The following ENAH variants were observed in gnomAD, a reference collection of about 807,000 sequenced individuals.
ENAH encodes ENAH actin regulator, also known as protein enabled homolog.
In ENAH, 23 loss-of-function variants were observed where a neutral mutation model predicts 78.7. The ratio of observed to expected loss-of-function variants is 0.29; its 90% CI spans 0.21 to 0.41. The LOEUF is 0.41. Ranked by LOEUF, ENAH falls within the 10% of genes least tolerant of loss-of-function variation. The pLI is 1.00. For synonymous variants in ENAH, 226 were observed against 241.0 expected, an observed-to-expected ratio of 0.94 and a Z score of 0.58; for missense variants, 544 against 691.0, an observed-to-expected ratio of 0.79 and a Z score of 2.39.
chr1:225,569,917 A>G (rs1466867003), intron 1 of ENAH, among the ~76,000 whole-genome samples: 2 of 152,176 alleles, frequency 1.3e-5, no homozygotes, highest in African/African-American at 4.8e-5. Context: ...AGAAGATATC[A>G]GGCACTGGTG....
At chr1:225,510,894 C>T (rs1333440484) in intron 10 of ENAH, among the ~76,000 whole-genome samples, 2 of 151,502 alleles carry the variant, frequency 1.3e-5, no homozygotes, top group Admixed American at 6.6e-5. Context: ...GTGCCTGTGG[C>T]CCCAGCTACT....
At chr1:225,642,440 C>T (rs756450977) in intron 1 of ENAH, among the ~76,000 whole-genome samples, 1 of 151,900 alleles carries the variant, frequency 6.6e-6, no homozygotes, top group African/African-American at 2.4e-5. Context: ...GTTAAGTGAG[C>T]GATGAGGCAG....
Position 225,636,813 on chromosome 1 carries a change from G to A in ENAH, c.5+15873C>T, listed in dbSNP as rs979318742. 2.0e-5 allele frequency among the ~76,000 whole-genome samples: 3 copies of A among 152,170 alleles called. No individual in the cohort carries two copies. The South Asian group carries it at 6.2e-4, about 31-fold the overall frequency. ...TGATATAAAGTGTTCAGAGAAATGT[G>A]TCATGAGTTTATACTCCGTTTTTTT... On this transcript the variant is annotated intron_variant, in intron 1 of 13. Transcript: ENST00000366843.
intron 1 of ENAH, among the ~76,000 whole-genome samples, chr1:225,634,910 C>T (rs974894747): frequency 7.2e-5 from 11 of 152,068 alleles, no homozygotes; most frequent in African/African-American, 2.2e-4. Context: ...ATTTGGGGTC[C>T]CTTGAAATTC....
intron 2 of ENAH, among the ~76,000 whole-genome samples, chr1:225,556,355 A>G (rs141977879): frequency 1.2e-4 from 18 of 152,322 alleles, no homozygotes; most frequent in Non-Finnish European, 2.2e-4. Context: ...CTACTTCTAC[A>G]TACTATGCAA....
At chr1:225,653,297 G>A (rs1477827402), upstream of ENAH, among the ~76,000 whole-genome samples, 3 of 151,232 alleles carry the variant, frequency 2.0e-5, no homozygotes, top group Non-Finnish European at 4.4e-5. The surrounding 1 kb of genome is among the most constrained non-coding windows in gnomAD (Gnocchi z 4.3). Flanking sequence ...GCCCCCGCCG[G>A]ACTGCGGAGA....
intron 1 of ENAH, among the ~76,000 whole-genome samples, chr1:225,596,625 T>C (rs1053405293): frequency 1.3e-5 from 2 of 152,232 alleles, no homozygotes; most frequent in Admixed American, 1.3e-4. Flanking sequence ...AGAAATATTC[T>C]TCTCCAATTA....
At chr1:225,545,809 T>C (rs950232780) in intron 3 of ENAH, among the ~76,000 whole-genome samples, 3 of 151,966 alleles carry the variant, frequency 2.0e-5, no homozygotes, top group Admixed American at 2.0e-4. Flanking sequence ...GATTCCCAAT[T>C]TTACACCTGA....
At chr1:225,526,644 G>A (rs555204655) in intron 4 of ENAH, among the ~76,000 whole-genome samples, 2 of 151,534 alleles carry the variant, frequency 1.3e-5, no homozygotes, top group East Asian at 1.9e-4. Flanking sequence ...TCTATTTCTC[G>A]GCGGGGAAAA....
chr1:225,576,875 C>T (rs1347145706), intron 1 of ENAH, among the ~76,000 whole-genome samples: 1 of 152,180 alleles, frequency 6.6e-6, no homozygotes, highest in Non-Finnish European at 1.5e-5. Flanking sequence ...TGGCTCACAC[C>T]TGTAATCCCA....
At chr1:225,512,352 T>G (rs1452207939) in intron 9 of ENAH, among the ~76,000 whole-genome samples, 4 of 152,206 alleles carry the variant, frequency 2.6e-5, no homozygotes, top group Non-Finnish European at 5.9e-5. Context: ...GGAACTGAGA[T>G]TCTAAGAGAT....
intron 1 of ENAH, among the ~76,000 whole-genome samples, chr1:225,609,656 A>ATTTTTTTT (rs59508510): frequency 3.9e-5 from 3 of 76,506 alleles, no homozygotes; most frequent in African/African-American, 5.2e-5. Flanking sequence ...GGAAAAATGG[A>ATTTTTTTT]TTTTTTTTTT....
chr1:225,647,019 G>A (rs1018258907), intron 1 of ENAH, among the ~76,000 whole-genome samples: 5 of 151,728 alleles, frequency 3.3e-5, no homozygotes, highest in Non-Finnish European at 7.4e-5. Flanking sequence ...GAGGTCAGGA[G>A]ATCAAGACCA....
intron 3 of ENAH, among the ~76,000 whole-genome samples, chr1:225,545,215 GA>G (rs1185122801): frequency 6.6e-6 from 1 of 152,160 alleles, no homozygotes; most frequent in East Asian, 1.9e-4. Context: ...AGAAAATATG[GA>G]ATAATCAAGC....
At chr1:225,623,747 G>C (rs548216289) in intron 1 of ENAH, among the ~76,000 whole-genome samples, 2 of 151,824 alleles carry the variant, frequency 1.3e-5, no homozygotes, top group Non-Finnish European at 2.9e-5. Flanking sequence ...CACCACGCCC[G>C]GCTAATTTTT....
intron 1 of ENAH, among the ~76,000 whole-genome samples, chr1:225,595,262 G>C (rs2096896941): frequency 6.6e-6 from 1 of 152,114 alleles, no homozygotes; most frequent in African/African-American, 2.4e-5. Flanking sequence ...GAACACGGGA[G>C]GCGGAGGTTG....
intron 12 of ENAH, among the ~76,000 whole-genome samples, chr1:225,498,913 T>C (rs2096265034): frequency 6.6e-6 from 1 of 152,176 alleles, no homozygotes; most frequent in African/African-American, 2.4e-5. Flanking sequence ...CCTCAGGGAT[T>C]GCCCTAATGG....
At chr1:225,615,864 G>A (rs547136696) in intron 1 of ENAH, among the ~76,000 whole-genome samples, 4 of 148,610 alleles carry the variant, frequency 2.7e-5, no homozygotes, top group South Asian at 2.1e-4. Context: ...CCATGATGAC[G>A]ATGGCGGTTT....
At chr1:225,573,100 G>A (rs1345463202) in intron 1 of ENAH, among the ~76,000 whole-genome samples, 1 of 152,086 alleles carries the variant, frequency 6.6e-6, no homozygotes, top group Non-Finnish European at 1.5e-5. Context: ...AGCGCTTCCT[G>A]GTATTTAAGC....
Sources: allele counts gnomAD v4.1 joint callset (sites outside exome capture counted in the v4.1 genomes callset), GRCh38; gene constraint gnomAD v4.1.1; non-coding constraint Gnocchi (gnomAD v3.1); transcripts MANE v1.5; gene names NCBI Gene and HGNC (gene_info 2026-07-23, HGNC 2026-07-21).